WNK1: variants seen among roughly 807,000 people sequenced by gnomAD.
WNK1 encodes the protein WNK lysine deficient protein kinase 1.
WNK1 carries 38 observed loss-of-function variants against 222.8 expected under a neutral mutation model. The ratio of observed to expected loss-of-function variants is 0.17; its 90% CI spans 0.13 to 0.22. The LOEUF (loss-of-function observed/expected upper bound fraction) is 0.22. WNK1 is among the 10% of genes least tolerant of loss of function. The pLI is 1.00. For missense variants in WNK1, 2,348 were observed against 2,918.4 expected, an observed-to-expected ratio of 0.80 and a Z score of 4.50; for synonymous variants, 1,090 against 1,092.9, an observed-to-expected ratio of 1.00 and a Z score of 0.05.
intron 17 of WNK1, 123 bp downstream of exon 17, chr12:883,954 G>C (rs1395286713): frequency 1.3e-5 from 20 of 1,481,912 alleles, no homozygotes; most frequent in Non-Finnish European, 1.9e-5. Flanking sequence ...CTTGAACCCA[G>C]GAGGCGGAGG....
intron 4 of WNK1, among the ~76,000 whole-genome samples, chr12:844,363 T>G (rs1220674540): frequency 6.6e-6 from 1 of 152,214 alleles, no homozygotes; most frequent in African/African-American, 2.4e-5. Context: ...CTCAAACTCC[T>G]GACCTCTAGC....
At position 884,851 on chromosome 12, in the gene WNK1, A is replaced by G. The variant is rs201608137; in HGVS notation, c.4047A>G (p.Thr1349=). 1 of 1,614,154 alleles carries G rather than the reference A, an allele frequency of 6.2e-7. No individual in the cohort carries two copies. The highest frequency in any genetic ancestry group is 2.2e-5 in the East Asian group (1 of 44,890). Residue 1349 remains threonine (T), a synonymous_variant, in exon 19 of 28, where the codon ACA becomes ACG. Coordinates refer to ENST00000315939, the MANE Select transcript of WNK1 (RefSeq NM_018979.4). This position sits in a 1 kb window ranked among gnomAD's most constrained non-coding sequence, Gnocchi z 5.6. ...GTAGCATTGCTGGAGTCCCAACCAC[A>G]GCAGCAGCCACAGCACCAGTCCCTG... ...FLSSIAGVPT[T]AAATAPVPAT...
At chr12:821,751 T>A (rs1239858698) in intron 2 of WNK1, among the ~76,000 whole-genome samples, 2 of 152,226 alleles carry the variant, frequency 1.3e-5, no homozygotes, top group African/African-American at 4.8e-5. Flanking sequence ...TGTTATTTTT[T>A]ATGGATTGGC....
At position 894,653 on chromosome 12, in the gene WNK1, T is replaced by C; in HGVS notation, c.5583+18T>C. Reference sequence around the variant, plus strand: ...GATTTCAGGTAAGACAGTCACTTTGTGTTGCCTTGATTCCTTCCTTTGGAG... The same window carrying C: ...GATTTCAGGTAAGACAGTCACTTTGCGTTGCCTTGATTCCTTCCTTTGGAG... On this transcript the variant is annotated intron_variant, in intron 23 of 27. Transcript: ENST00000315939. 6.2e-7 allele frequency: 1 copy of C among 1,611,866 alleles called. No individual in the cohort carries two copies. Among genetic ancestry groups the C allele is most frequent in the Non-Finnish European group, 8.5e-7 (1 of 1,177,954 alleles).
intron 1 of WNK1, among the ~76,000 whole-genome samples, chr12:793,968 C>T (rs1945077999): frequency 6.6e-6 from 1 of 152,140 alleles, no homozygotes; most frequent in African/African-American, 2.4e-5. Flanking sequence ...TACTATGTCT[C>T]TAGATTTGCC....
At chr12:807,943 T>C (rs975940294) in intron 1 of WNK1, among the ~76,000 whole-genome samples, 1 of 151,930 alleles carries the variant, frequency 6.6e-6, no homozygotes, top group Non-Finnish European at 1.5e-5. Context: ...ATGGTCTCGA[T>C]CTCCTGACCT....
intron 19 of WNK1, among the ~76,000 whole-genome samples, 158 bp downstream of exon 19, chr12:886,242 T>C (rs1003905988): frequency 3.9e-5 from 6 of 152,212 alleles, no homozygotes; most frequent in African/African-American, 1.2e-4. Context: ...AGGGTATATC[T>C]ACAATGAACA....
chr12:899,995 C>A (rs897638642), intron 25 of WNK1, among the ~76,000 whole-genome samples: 8 of 148,194 alleles, frequency 5.4e-5, no homozygotes, highest in African/African-American at 2.0e-4. Context: ...ACATATGGCC[C>A]TATTACCTAT....
chr12:873,574 T>A (rs540007220), intron 9 of WNK1, among the ~76,000 whole-genome samples: 31 of 152,300 alleles, frequency 2.0e-4, no homozygotes, highest in African/African-American at 6.7e-4. Flanking sequence ...AGCTACAAAT[T>A]ATAACCCAGA....
intron 8 of WNK1, chr12:867,867 C>T (rs1468499196): frequency 6.2e-7 from 1 of 1,613,616 alleles, no homozygotes; most frequent in Non-Finnish European, 8.5e-7. Context: ...TTGATACAGC[C>T]TCAGTCCATG....
chr12:889,543 G>A (rs1350281312), intron 21 of WNK1, among the ~76,000 whole-genome samples: 1 of 152,180 alleles, frequency 6.6e-6, no homozygotes, highest in Non-Finnish European at 1.5e-5. Flanking sequence ...TTTGGGCTAG[G>A]TGCAGTGGCT....
intron 1 of WNK1, among the ~76,000 whole-genome samples, chr12:806,986 G>A (rs533842512): frequency 1.7e-4 from 26 of 152,104 alleles, no homozygotes; most frequent in Non-Finnish European, 2.6e-4. Context: ...AAATCTTCTC[G>A]CTGGGCTTCT....
In WNK1 at chr12:897,690, C is replaced by G. The variant is rs1954868096; in HGVS notation, c.6448+9C>G. 6.2e-7 allele frequency: 1 copy of G among 1,613,736 alleles called. No homozygotes were observed. The highest frequency in any genetic ancestry group is 8.5e-7 in the Non-Finnish European group (1 of 1,179,838). The stretch of plus-strand genomic sequence containing the variant: ...AAGCCCCCAGCTTTCAGGTAAAAAG[C>G]CCTGGACTAGGTCAGCCACAGCTGT... On this transcript the variant is annotated intron_variant, in intron 25 of 27. Transcript: ENST00000315939.
chr12:895,899 G>C (rs1954697815), intron 23 of WNK1, among the ~76,000 whole-genome samples, 172 bp from the exon 24 acceptor site: 1 of 152,202 alleles, frequency 6.6e-6, no homozygotes, highest in Non-Finnish European at 1.5e-5. Context: ...TGTTCTCTAT[G>C]ATGGTATTCA....
chr12:782,932 C>T (rs146090630), intron 1 of WNK1, among the ~76,000 whole-genome samples: 431 of 151,854 alleles, frequency 2.8e-3, no homozygotes, highest in African/African-American at 0.01. Flanking sequence ...GGGTCTTGCC[C>T]TGTCACCCAG....
intron 8 of WNK1, chr12:865,012 C>A (rs1214389030): frequency 2.9e-6 from 4 of 1,387,416 alleles, no homozygotes; most frequent in South Asian, 1.7e-5. Flanking sequence ...GAGGATGGAA[C>A]ATTTCTTCAT....
intron 1 of WNK1, among the ~76,000 whole-genome samples, chr12:755,559 G>A (rs570320833): frequency 2.8e-4 from 43 of 152,082 alleles, no homozygotes; most frequent in African/African-American, 1.0e-3. Context: ...GAACTTCTAA[G>A]GTAGTGTGAA....
chr12:856,751 A>C (rs1592038206), intron 4 of WNK1, among the ~76,000 whole-genome samples: 1 of 152,238 alleles, frequency 6.6e-6, no homozygotes, highest in South Asian at 2.1e-4. Context: ...ATGTGAATTC[A>C]TGCCCACACA....
At chr12:809,346 T>TC (rs1014807340) in intron 1 of WNK1, among the ~76,000 whole-genome samples, 9 of 147,716 alleles carry the variant, frequency 6.1e-5, no homozygotes, top group East Asian at 2.0e-4. Flanking sequence ...TACCTGCCCC[T>TC]CCCCCCCATA....
Sources: gnomAD v4.1 joint callset for allele counts (sites outside exome capture counted in the v4.1 genomes callset) on GRCh38, gnomAD v4.1.1 for gene constraint, Gnocchi (gnomAD v3.1) non-coding constraint, MANE v1.5 for transcripts, NCBI Gene and HGNC (gene_info 2026-07-23, HGNC 2026-07-21) for gene names.